The following HIVEP3 variants were observed in gnomAD, a reference collection of about 807,000 sequenced individuals.
HIVEP3 encodes HIVEP zinc finger 3.
Under a neutral mutation model 152.8 loss-of-function variants are expected in HIVEP3, and 49 were observed. The observed-to-expected ratio is 0.32, with a 90% CI of 0.26 to 0.41. HIVEP3 has a LOEUF of 0.41. Ranked by LOEUF, HIVEP3 falls within the 10% of genes least tolerant of loss-of-function variation. HIVEP3 has a pLI of 1.00. For missense variants in HIVEP3, 2,790 were observed against 3,103.3 expected (o/e 0.90, Z 2.40); for synonymous variants, 1,269 against 1,289.0 (o/e 0.98, Z 0.33).
chr1:41,641,406 T>C (rs563002453), intron 2 of HIVEP3, among the ~76,000 whole-genome samples: 16 of 152,326 alleles, frequency 1.1e-4, no homozygotes, highest in Non-Finnish European at 1.6e-4. Context: ...GCTTCTGGTC[T>C]AGATCTCAAC....
chr1:42,032,381 G>A (rs1009211647), intron 1 of HIVEP3, among the ~76,000 whole-genome samples: 1 of 152,228 alleles, frequency 6.6e-6, no homozygotes, highest in African/African-American at 2.4e-5. Flanking sequence ...AAGTGCAACG[G>A]GACGTTAAAT....
chr1:42,027,992 T>G (rs1295712003), intron 1 of HIVEP3, among the ~76,000 whole-genome samples: 1 of 152,160 alleles, frequency 6.6e-6, no homozygotes, highest in Non-Finnish European at 1.5e-5. Context: ...CAGTAGGGAA[T>G]GCTCCACCTC....
intron 5 of HIVEP3, among the ~76,000 whole-genome samples, chr1:41,557,764 T>C (rs1269889426): frequency 6.6e-6 from 1 of 152,030 alleles, no homozygotes; most frequent in Non-Finnish European, 1.5e-5. Flanking sequence ...GCTGACCCAG[T>C]GGTTTTGGGG....
chr1:41,828,442 T>C (rs1468712162), intron 1 of HIVEP3, among the ~76,000 whole-genome samples: 1 of 152,212 alleles, frequency 6.6e-6, no homozygotes, highest in Non-Finnish European at 1.5e-5. Context: ...TTGATAAACT[T>C]TGCCTTTTGA....
chr1:41,955,206 G>A (rs1436065319), intron 1 of HIVEP3, among the ~76,000 whole-genome samples: 3 of 152,056 alleles, frequency 2.0e-5, no homozygotes, highest in Non-Finnish European at 4.4e-5. Flanking sequence ...AACTTATCTT[G>A]GGAAAGAGGT....
intron 5 of HIVEP3, among the ~76,000 whole-genome samples, chr1:41,528,449 TCACA>T (rs1207987973): frequency 2.4e-5 from 1 of 41,824 alleles, no homozygotes; most frequent in Non-Finnish European, 4.6e-5. Flanking sequence ...CATCCCACCC[TCACA>T]CACACCCCAC....
chr1:41,738,818 C>G, intron 1 of HIVEP3, among the ~76,000 whole-genome samples: 1 of 151,196 alleles, frequency 6.6e-6, no homozygotes, highest in East Asian at 2.0e-4. Context: ...ATGCCCGCCT[C>G]CCTGTCTGCC....
At chr1:41,763,567 A>T (rs1305142215) in intron 1 of HIVEP3, among the ~76,000 whole-genome samples, 1 of 152,232 alleles carries the variant, frequency 6.6e-6, no homozygotes, top group Non-Finnish European at 1.5e-5. Flanking sequence ...AGTATACACC[A>T]TTATTGAGCA....
At chr1:41,544,803 A>G (rs1211277291) in intron 5 of HIVEP3, among the ~76,000 whole-genome samples, 1 of 142,114 alleles carries the variant, frequency 7.0e-6, no homozygotes, top group Admixed American at 7.0e-5. Context: ...TACCATCACC[A>G]CCACCACTAC....
intron 1 of HIVEP3, among the ~76,000 whole-genome samples, chr1:41,817,798 GCA>G (rs1331677073): frequency 6.6e-6 from 1 of 152,170 alleles, no homozygotes; most frequent in Non-Finnish European, 1.5e-5. Flanking sequence ...GTTACCTTGT[GCA>G]ATTTCTGGAG....
At chr1:41,621,680 AT>A (rs565418246) in intron 3 of HIVEP3, among the ~76,000 whole-genome samples, 92 of 152,158 alleles carry the variant, frequency 6.0e-4, no homozygotes, top group African/African-American at 2.1e-3. Context: ...ATCTGGCTAA[AT>A]TTTTTATTTT....
intron 2 of HIVEP3, among the ~76,000 whole-genome samples, chr1:41,678,876 T>C (rs1645997031): frequency 1.3e-5 from 2 of 152,214 alleles, no homozygotes; most frequent in African/African-American, 2.4e-5. Context: ...AGCCAGCTCA[T>C]CTTAGACTCT....
chr1:41,674,385 C>T (rs1645922711), intron 2 of HIVEP3, among the ~76,000 whole-genome samples: 1 of 152,236 alleles, frequency 6.6e-6, no homozygotes, highest in Non-Finnish European at 1.5e-5. Flanking sequence ...GATGCTTCAT[C>T]CTGTTCAGTG....
At chr1:41,700,710 T>C (rs1279577071) in intron 2 of HIVEP3, among the ~76,000 whole-genome samples, 1 of 152,254 alleles carries the variant, frequency 6.6e-6, no homozygotes, top group Non-Finnish European at 1.5e-5. Context: ...CCCATCACCA[T>C]ATGCTGCCAT....
intron 1 of HIVEP3, among the ~76,000 whole-genome samples, chr1:41,823,744 A>T (rs1185435757): frequency 1.3e-5 from 2 of 152,150 alleles, no homozygotes; most frequent in African/African-American, 4.8e-5. Context: ...AAACCCAATT[A>T]GCACAAAGTG....
rs201944482 is a variant in HIVEP3 at position 41,582,182 on chromosome 1, C to T, written c.2616G>A (p.Glu872=). 62 of 1,613,900 alleles carry T rather than the reference C, an allele frequency of 3.8e-5. No homozygotes were observed. Among genetic ancestry groups the T allele is most frequent in the Non-Finnish European group, 4.7e-5 (55 of 1,179,970 alleles). The change falls in exon 4 of 9, where the codon GAG becomes GAA. Residue 872 remains glutamate, a synonymous_variant. Transcript: ENST00000372583. This position sits in a 1 kb window ranked among gnomAD's most constrained non-coding sequence, Gnocchi z 4.7. ...TCTTCTCAGGTTCCTTAGGGGGCGG[C>T]TCTGGCTCTGTGTCCGGCCGGTCAG... The part of the protein sequence containing the change: ...EEPDRPDTEP[E]PPPKEPEKTE...
chr1:41,952,077 T>C (rs1645111901), intron 1 of HIVEP3, among the ~76,000 whole-genome samples: 1 of 152,214 alleles, frequency 6.6e-6, no homozygotes, highest in Non-Finnish European at 1.5e-5. Flanking sequence ...TGCCCTTCCA[T>C]AAAGCAGCAG....
intron 1 of HIVEP3, among the ~76,000 whole-genome samples, chr1:41,939,866 C>T (rs1410789380): frequency 6.6e-6 from 1 of 152,100 alleles, no homozygotes; most frequent in Non-Finnish European, 1.5e-5. Flanking sequence ...CTCTCCAAAT[C>T]ATTGTTTTTA....
chr1:41,869,634 TA>T (rs1438956534), intron 1 of HIVEP3: 1 of 152,090 alleles, frequency 6.6e-6, no homozygotes, highest in Non-Finnish European at 1.5e-5. Context: ...TATAATCCTA[TA>T]AAGTAAATTT....
Sources: gnomAD v4.1 joint callset for allele counts (sites outside exome capture counted in the v4.1 genomes callset) on GRCh38, gnomAD v4.1.1 for gene constraint, Gnocchi (gnomAD v3.1) non-coding constraint, MANE v1.5 for transcripts, NCBI Gene and HGNC (gene_info 2026-07-23, HGNC 2026-07-21) for gene names.